Variants in ASTN2 observed in about 807,000 individuals in gnomAD.
ASTN2 encodes astrotactin-2.
Under a neutral mutation model 139.8 loss-of-function variants are expected in ASTN2, and 54 were observed. The ratio of observed to expected loss-of-function variants is 0.39; its 90% CI spans 0.31 to 0.48. The LOEUF (loss-of-function observed/expected upper bound fraction) is 0.48, where lower values mean the gene tolerates loss of function less well. Ranked by LOEUF, ASTN2 falls within the 20% of genes least tolerant of loss-of-function variation. The pLI is 0.95. For missense variants in ASTN2, 1,565 were observed against 1,725.1 expected, an observed-to-expected ratio of 0.91 and a Z score of 1.64; for synonymous variants, 756 against 719.5, an observed-to-expected ratio of 1.05 and a Z score of -0.81.
intron 20 of ASTN2, among the ~76,000 whole-genome samples, chr9:116,447,776 C>T (rs1848045937): frequency 6.6e-6 from 1 of 152,170 alleles, no homozygotes; most frequent in African/African-American, 2.4e-5. Context: ...TATGCAATAA[C>T]CAATATGCAA....
intron 19 of ASTN2, among the ~76,000 whole-genome samples, chr9:116,489,507 T>C (rs13290589): frequency 0.21 from 32,617 of 151,970 alleles, 3,631 homozygotes; most frequent in Middle Eastern, 0.25. Context: ...CAGCTGACTT[T>C]TGTATTCTTT....
At chr9:116,946,936 C>CAAAAAAAAAAAAAA (rs3983292) in intron 10 of ASTN2, among the ~76,000 whole-genome samples, 2 of 127,942 alleles carry the variant, frequency 1.6e-5, no homozygotes, top group African/African-American at 6.1e-5. Context: ...ACATTTTTGT[C>CAAAAAAAAAAAAAA]AAAAAAAAAA....
At chr9:116,780,350 G>T (rs1167623611) in intron 13 of ASTN2, among the ~76,000 whole-genome samples, 1 of 152,154 alleles carries the variant, frequency 6.6e-6, no homozygotes, top group Admixed American at 6.6e-5. Context: ...AACCAAATTT[G>T]CTCACTGAAT....
chr9:117,120,883 G>T (rs181193058), intron 4 of ASTN2, among the ~76,000 whole-genome samples: 38 of 152,290 alleles, frequency 2.5e-4, no homozygotes, highest in African/African-American at 8.7e-4. Context: ...CACCAGTCTT[G>T]TCCCTTCAAA....
chr9:116,790,472 T>C (rs1588295124), intron 13 of ASTN2, among the ~76,000 whole-genome samples: 1 of 152,114 alleles, frequency 6.6e-6, no homozygotes, highest in East Asian at 1.9e-4. Context: ...TGACCCACCT[T>C]GACTTTCACG....
intron 1 of ASTN2, among the ~76,000 whole-genome samples, chr9:117,332,397 C>A (rs150145660): frequency 3.7e-4 from 57 of 152,192 alleles, no homozygotes; most frequent in African/African-American, 1.3e-3. Context: ...ATGGTGAAAC[C>A]CTCTCTCCAC....
chr9:117,250,724 A>T (rs1318135618), intron 2 of ASTN2, among the ~76,000 whole-genome samples: 1 of 152,144 alleles, frequency 6.6e-6, no homozygotes, highest in Non-Finnish European at 1.5e-5. Flanking sequence ...CATAAAGTCC[A>T]AGGTCTCATG....
intron 2 of ASTN2, among the ~76,000 whole-genome samples, chr9:117,265,682 T>C (rs1833924610): frequency 6.6e-6 from 1 of 152,170 alleles, no homozygotes; most frequent in African/African-American, 2.4e-5. Context: ...AGCTACTAGC[T>C]GTGCTGATAT....
chr9:117,061,636 G>A (rs368954915), intron 5 of ASTN2, among the ~76,000 whole-genome samples: 71 of 152,242 alleles, frequency 4.7e-4, no homozygotes, highest in African/African-American at 1.6e-3. Context: ...CATAAATCGT[G>A]TATAACAAAT....
chr9:117,264,569 C>T (rs930803037), intron 2 of ASTN2, among the ~76,000 whole-genome samples: 1 of 152,060 alleles, frequency 6.6e-6, no homozygotes, highest in Non-Finnish European at 1.5e-5. Context: ...ATAAATAGGT[C>T]AGAGCTTTCA....
At chr9:117,182,444 C>T (rs1831098809) in intron 3 of ASTN2, among the ~76,000 whole-genome samples, 1 of 152,052 alleles carries the variant, frequency 6.6e-6, no homozygotes, top group African/African-American at 2.4e-5. Flanking sequence ...AAGGATGACC[C>T]AGGAGACACA....
chr9:116,697,627 G>A (rs1266586576), intron 16 of ASTN2: 2 of 1,321,344 alleles, frequency 1.5e-6, no homozygotes, highest in African/African-American at 2.9e-5. Flanking sequence ...TATATAGTCA[G>A]AGGAAAATGA....
chr9:117,082,715 A>C (rs1043696396), intron 5 of ASTN2, among the ~76,000 whole-genome samples: 3 of 152,170 alleles, frequency 2.0e-5, no homozygotes, highest in Non-Finnish European at 4.4e-5. Flanking sequence ...AGGCACGAGA[A>C]TCACTTGAAC....
chr9:116,799,728 C>T (rs1025488754), intron 13 of ASTN2, among the ~76,000 whole-genome samples: 3 of 138,690 alleles, frequency 2.2e-5, no homozygotes, highest in African/African-American at 5.8e-5. Context: ...GAATAAAAAA[C>T]AAACAAATAA....
At chr9:117,320,368 T>C (rs532135524) in intron 1 of ASTN2, among the ~76,000 whole-genome samples, 1 of 152,184 alleles carries the variant, frequency 6.6e-6, no homozygotes, top group Admixed American at 6.5e-5. Context: ...AATACTCAAG[T>C]TTGAAAATCC....
rs1392005836 is a variant in ASTN2, at chr9:117,067,822, G to A, written c.1277-27857C>T. 3.6e-3 allele frequency among the ~76,000 whole-genome samples: 376 copies of A among 105,720 alleles called. 12 individuals carry two copies. The highest frequency in any genetic ancestry group is 0.012 in the African/African-American group (368 of 31,434). The allele number at this position is 105,720 out of a possible 152,430, so 69.4% of individuals were successfully genotyped here. A position where few individuals can be genotyped will look rare whatever the true frequency, so the allele number is the denominator to read the frequency against. ...GGCTCTCTGTTTGTCTGTTGTTGGT[G>A]TATAAGAATGCTTGTGATTTTTGTA... On this transcript the variant is annotated intron_variant, in intron 5 of 22. Transcript: ENST00000313400.
intron 22 of ASTN2, among the ~76,000 whole-genome samples, chr9:116,426,508 T>C (rs1420849615): frequency 6.6e-6 from 1 of 152,218 alleles, no homozygotes; most frequent in Non-Finnish European, 1.5e-5. Flanking sequence ...ATAACTATCC[T>C]GAATGTATTG....
Position 116,425,764 on chromosome 9 carries a change from C to G in ASTN2, c.*87G>C, listed in dbSNP as rs990912012. 4 of 1,605,386 alleles carry G rather than the reference C, an allele frequency of 2.5e-6. No homozygotes were observed. In the African/African-American group the frequency reaches 5.3e-5, roughly 21 times the overall value. ...TGCTAGGCCCATCCTCAGCTGTCCC[C>G]CAGCCCACCCAGGCCCCAGGATCCA... On this transcript the variant is annotated 3_prime_UTR_variant, in exon 23 of 23. Coordinates refer to ENST00000313400, the MANE Select transcript of ASTN2 (RefSeq NM_001365068.1).
At chr9:116,509,903 T>C (rs1850292695) in intron 19 of ASTN2, among the ~76,000 whole-genome samples, 1 of 152,232 alleles carries the variant, frequency 6.6e-6, no homozygotes, top group South Asian at 2.1e-4. Flanking sequence ...ATTCTGGATA[T>C]TAGTCCTTTG....
Sources: gnomAD v4.1 joint callset for allele counts (sites outside exome capture counted in the v4.1 genomes callset) on GRCh38, gnomAD v4.1.1 for gene constraint, MANE v1.5 for transcripts, NCBI Gene and HGNC (gene_info 2026-07-23, HGNC 2026-07-21) for gene names.